The following KLC1 variants were observed in gnomAD, a reference collection of about 807,000 sequenced individuals.
The protein encoded by KLC1 is kinesin 2 60/70kDa.
In KLC1, 30 loss-of-function variants were observed where a neutral mutation model predicts 84.2. The ratio of observed to expected loss-of-function variants is 0.36; its 90% confidence interval spans 0.27 to 0.48. KLC1 has a LOEUF of 0.48. Ranked by LOEUF, KLC1 falls within the 20% of genes least tolerant of loss-of-function variation. The pLI, the probability that KLC1 is intolerant of heterozygous loss-of-function variation, is 0.99. For synonymous variants in KLC1, 289 were observed against 293.3 expected (o/e 0.99, Z 0.15); for missense variants, 499 against 805.4 (o/e 0.62, Z 4.60).
intron 1 of KLC1, among the ~76,000 whole-genome samples, chr14:103,646,563 T>C (rs1236461022): frequency 6.6e-6 from 1 of 152,214 alleles, no homozygotes; most frequent in Non-Finnish European, 1.5e-5. Flanking sequence ...CAGGCTGAAG[T>C]GCAGTGGCAC....
At chr14:103,654,249 G>C (rs2078681944) in intron 1 of KLC1, among the ~76,000 whole-genome samples, 1 of 152,162 alleles carries the variant, frequency 6.6e-6, no homozygotes, top group Non-Finnish European at 1.5e-5. Flanking sequence ...CAAACATTCT[G>C]AGAAAAAATG....
At chr14:103,696,091 C>CGCGGGGGGGGG in intron 15 of KLC1, 1 of 744,680 alleles carries the variant, frequency 1.3e-6, no homozygotes, top group Non-Finnish European at 1.5e-6. Flanking sequence ...ATAATCACTG[C>CGCGGGGGGGGG]GCCCCCGCCC....
chr14:103,688,772 G>A (rs2081933581), intron 14 of KLC1, among the ~76,000 whole-genome samples: 1 of 152,146 alleles, frequency 6.6e-6, no homozygotes, highest in Admixed American at 6.5e-5. Flanking sequence ...AGTTTTAGGA[G>A]CCCCACAAAT....
At chr14:103,695,491 AGGCGACAGGGAGGAG>A in intron 15 of KLC1, 2 of 985,288 alleles carry the variant, frequency 2.0e-6, no homozygotes, top group Non-Finnish European at 2.4e-6. Context: ...GTCTGTGCAC[AGGCGACAGGGAGGAG>A]GGCTCCGGAG....
At chr14:103,643,233 T>G (rs925114671) in intron 1 of KLC1, among the ~76,000 whole-genome samples, 9 of 152,244 alleles carry the variant, frequency 5.9e-5, no homozygotes, top group Admixed American at 2.6e-4. Context: ...GGTAGATTCT[T>G]CCATCTTCCA....
chr14:103,633,961 C>T (rs1054035090), intron 1 of KLC1, among the ~76,000 whole-genome samples: 8 of 152,106 alleles, frequency 5.3e-5, no homozygotes, highest in South Asian at 2.1e-4. Context: ...CTCTGCCTCC[C>T]GGGTTCAAGC....
chr14:103,687,253 C>T, intron 14 of KLC1, 42 bp downstream of exon 14: 1 of 1,494,508 alleles, frequency 6.7e-7, no homozygotes, highest in Non-Finnish European at 9.0e-7. Flanking sequence ...TGCACGCCGG[C>T]TGCTGGGCCG....
chr14:103,640,166 T>G (rs941413638), intron 1 of KLC1, among the ~76,000 whole-genome samples: 1 of 152,112 alleles, frequency 6.6e-6, no homozygotes, highest in African/African-American at 2.4e-5. Flanking sequence ...GTTCATGCGA[T>G]TCTACTGCCT....
intron 8 of KLC1, 39 bp from the exon 9 acceptor site, chr14:103,673,293 C>A: frequency 2.6e-6 from 4 of 1,544,724 alleles, no homozygotes; most frequent in Non-Finnish European, 3.5e-6. Context: ...TTATTTACAT[C>A]TGAAAGATAT....
chr14:103,694,986 G>A lies in KLC1; in HGVS notation c.1848+2561G>A, dbSNP rs778493849. 28 of 985,296 alleles carry A rather than the reference G, an allele frequency of 2.8e-5. No individual in the cohort carries two copies. The highest frequency in any genetic ancestry group is 9.4e-5 in the South Asian group (2 of 21,296). 61.0% of individuals were successfully genotyped at this position (985,296 alleles called of 1,614,324 possible). On this transcript the variant is annotated intron_variant, in intron 15 of 16. Coordinates refer to ENST00000334553, the MANE Select transcript of KLC1 (RefSeq NM_001394837.1). This position sits in a 1 kb window ranked among gnomAD's most constrained non-coding sequence, Gnocchi z 4.5. The stretch of plus-strand genomic sequence containing the variant: ...CCAGGAGCTGCCCTGTGGAGCCAGC[G>A]TTGTCCCCGAGCTGCTCGCCTGTGG...
At position 103,669,432 on chromosome 14, in the gene KLC1, T is replaced by TAAAAAAAAAG. The variant is rs548549435; in HGVS notation, c.798-74_798-65dup. 4.7e-3 allele frequency: 3,893 copies of TAAAAAAAAAG among 824,204 alleles called. 56 individuals are homozygous for TAAAAAAAAAG. Among genetic ancestry groups the TAAAAAAAAAG allele is most frequent in the African/African-American group, 0.03 (1,691 of 55,762 alleles). The allele number at this position is 824,204 out of a possible 1,614,324, so 51.1% of individuals were successfully genotyped here. On this transcript the variant is annotated intron_variant, in intron 5 of 16. Transcript: ENST00000334553. ...CTGTGCAACAGAGTCAGACTCTGTC[T>TAAAAAAAAAG]AAAAAAAAAGAAAAGAAAAGAAAAG...
At position 103,629,299 on chromosome 14, in the gene KLC1, C is replaced by G. The variant is rs113330922; in HGVS notation, c.-197C>G. On this transcript the variant is annotated 5_prime_UTR_variant, in exon 1 of 17. Coordinates refer to ENST00000334553, the MANE Select transcript of KLC1 (RefSeq NM_001394837.1). Reference sequence around the variant, plus strand: ...GTGCGAGGAGCCGCGGGGCTGTGCTCGGCGGCCAAGGGGACAGCGCGTGGG... The same window carrying G: ...GTGCGAGGAGCCGCGGGGCTGTGCTGGGCGGCCAAGGGGACAGCGCGTGGG... 1 of 153,148 alleles carries G rather than the reference C, an allele frequency of 6.5e-6. No homozygotes were observed. Among genetic ancestry groups the G allele is most frequent in the African/African-American group, 2.4e-5 (1 of 41,558 alleles). The allele number at this position is 153,148 out of a possible 1,614,324, so 9.5% of individuals were successfully genotyped here.
chr14:103,700,083 C>G, intron 15 of KLC1: 1 of 226,314 alleles, frequency 4.4e-6, no homozygotes, highest in Non-Finnish European at 8.9e-6. Flanking sequence ...GGGCCTGATG[C>G]CCTTCAGGCG....
At chr14:103,632,589 C>A (rs746993886) in intron 1 of KLC1, among the ~76,000 whole-genome samples, 58 of 151,750 alleles carry the variant, frequency 3.8e-4, no homozygotes, top group Non-Finnish European at 5.3e-4. Context: ...GGTGTGGTGG[C>A]GGGTGCCTCT....
chr14:103,687,077 T>C lies in KLC1; in HGVS notation c.1651-4T>C. ...AGCTTCACGTTTGTTCACGTTTTTT[T>C]CAGGATGGCACTGGATCTTTAAAAC... On this transcript the variant is annotated splice_region_variant and splice_polypyrimidine_tract_variant and intron_variant, in intron 13 of 16. Coordinates refer to ENST00000334553, the MANE Select transcript of KLC1 (RefSeq NM_001394837.1). 2.6e-6 allele frequency: 4 copies of C among 1,522,576 alleles called. No individual in the cohort carries two copies. The highest frequency in any genetic ancestry group is 3.6e-6 in the Non-Finnish European group (4 of 1,124,596). The allele number at this position is 1,522,576 out of a possible 1,614,324, so 94.3% of individuals were successfully genotyped here.
chr14:103,669,392 C>T (rs1033628189), intron 5 of KLC1, 119 bp from the exon 6 acceptor site: 1 of 582,630 alleles, frequency 1.7e-6, no homozygotes, highest in Non-Finnish European at 3.0e-6. Context: ...CAAGATGGCA[C>T]CACTGCACTC....
intron 15 of KLC1, chr14:103,695,455 C>G: frequency 1.1e-5 from 11 of 984,612 alleles, no homozygotes; most frequent in Non-Finnish European, 1.3e-5. Context: ...CTGACAGGTG[C>G]CGTGGCTGCC....
intron 5 of KLC1, among the ~76,000 whole-genome samples, chr14:103,666,347 G>A (rs991921373): frequency 6.6e-6 from 1 of 151,930 alleles, no homozygotes; most frequent in Non-Finnish European, 1.5e-5. Context: ...ACAGGCATGA[G>A]CCACCGTGCC....
intron 2 of KLC1, 131 bp from the exon 3 acceptor site, chr14:103,657,415 T>C: frequency 1.5e-6 from 1 of 646,568 alleles, no homozygotes; most frequent in Non-Finnish European, 2.7e-6. Context: ...TGGCAGATTG[T>C]ACTTATATGT....
Sources: gnomAD v4.1 joint callset for allele counts (sites outside exome capture counted in the v4.1 genomes callset) on GRCh38, gnomAD v4.1.1 for gene constraint, Gnocchi (gnomAD v3.1) non-coding constraint, MANE v1.5 for transcripts, NCBI Gene and HGNC (gene_info 2026-07-23, HGNC 2026-07-21) for gene names.